Variants in NOL4 observed in about 807,000 individuals in gnomAD.
NOL4 encodes the protein cancer/testis antigen 125.
A neutral mutation model predicts 75.9 loss-of-function variants in NOL4; 17 were observed. The observed-to-expected ratio is 0.22, with a 90% CI of 0.15 to 0.34. The LOEUF (loss-of-function observed/expected upper bound fraction) is 0.34, where lower values mean the gene tolerates loss of function less well. Among genes scored for constraint, NOL4 ranks in the 10% least tolerant of loss-of-function variants. The pLI is 1.00. For missense variants in NOL4, 614 were observed against 793.5 expected (o/e 0.77, Z 2.72); for synonymous variants, 292 against 289.9 (o/e 1.01, Z -0.07).
intron 5 of NOL4, among the ~76,000 whole-genome samples, chr18:34,070,794 G>T (rs978229958): frequency 6.6e-6 from 1 of 151,748 alleles, no homozygotes. Context: ...TAAATACATA[G>T]GTATATATAA....
chr18:34,179,449 C>A (rs1260390156), intron 1 of NOL4, among the ~76,000 whole-genome samples: 1 of 150,824 alleles, frequency 6.6e-6, no homozygotes, highest in Admixed American at 6.6e-5. Context: ...ATCAGCAAAA[C>A]AGATACATCT....
intron 6 of NOL4, among the ~76,000 whole-genome samples, chr18:33,968,088 A>G (rs1717408832): frequency 6.6e-6 from 1 of 151,592 alleles, no homozygotes; most frequent in Non-Finnish European, 1.5e-5. Context: ...TCCATCTCAA[A>G]TAAATAAATA....
At chr18:33,933,337 T>C (rs565876366) in intron 9 of NOL4, among the ~76,000 whole-genome samples, 3 of 152,156 alleles carry the variant, frequency 2.0e-5, no homozygotes, top group Non-Finnish European at 4.4e-5. Flanking sequence ...TTGATGGCTG[T>C]TGAATGATTA....
At chr18:34,138,254 T>C (rs1269384930) in intron 1 of NOL4, among the ~76,000 whole-genome samples, 1 of 151,768 alleles carries the variant, frequency 6.6e-6, no homozygotes, top group Non-Finnish European at 1.5e-5. Flanking sequence ...ATAAATAAAT[T>C]GGCTGGGCAT....
At chr18:34,025,159 C>G (rs889810730) in intron 5 of NOL4, among the ~76,000 whole-genome samples, 1 of 152,096 alleles carries the variant, frequency 6.6e-6, no homozygotes, top group Non-Finnish European at 1.5e-5. Context: ...TATTCTTTCC[C>G]TTTATCAAAA....
intron 1 of NOL4, among the ~76,000 whole-genome samples, chr18:34,161,985 C>T (rs867415059): frequency 1.6e-4 from 25 of 152,186 alleles, no homozygotes; most frequent in Non-Finnish European, 3.2e-4. Flanking sequence ...ATCCTCCTAA[C>T]TTCTAAACTA....
chr18:33,975,869 T>C (rs1474859840), intron 6 of NOL4, among the ~76,000 whole-genome samples: 1 of 152,222 alleles, frequency 6.6e-6, no homozygotes, highest in Non-Finnish European at 1.5e-5. Flanking sequence ...TTAATGGTGG[T>C]CCTTTGCAGA....
At chr18:34,035,447 T>C (rs78980418) in intron 5 of NOL4, among the ~76,000 whole-genome samples, 3,503 of 152,158 alleles carry the variant, frequency 0.023, 67 homozygotes, top group Non-Finnish European at 0.038. Context: ...TCAAAACTCA[T>C]GGTACATAGC....
At chr18:33,942,579 A>C (rs765889335) in intron 9 of NOL4, among the ~76,000 whole-genome samples, 2 of 151,952 alleles carry the variant, frequency 1.3e-5, no homozygotes, top group Non-Finnish European at 2.9e-5. Flanking sequence ...AATTTTCATT[A>C]TGTATATCCT....
intron 5 of NOL4, among the ~76,000 whole-genome samples, chr18:34,076,984 C>G (rs2077773073): frequency 6.6e-6 from 1 of 152,116 alleles, no homozygotes; most frequent in Non-Finnish European, 1.5e-5. Flanking sequence ...ATGAAAATAT[C>G]TAACACCAGG....
chr18:34,020,725 A>G (rs1032738868), intron 5 of NOL4, among the ~76,000 whole-genome samples: 1 of 152,294 alleles, frequency 6.6e-6, no homozygotes, highest in Non-Finnish European at 1.5e-5. Flanking sequence ...ATCTAGCTAC[A>G]AAAGAGTGTG....
chr18:34,078,640 G>A (rs1479376265), intron 5 of NOL4, among the ~76,000 whole-genome samples: 1 of 152,118 alleles, frequency 6.6e-6, no homozygotes, highest in Non-Finnish European at 1.5e-5. Context: ...ATAATGGCAA[G>A]CCAATATGAA....
At position 33,851,296 on chromosome 18, in the gene NOL4, AG is replaced by A. The variant is rs958738076; in HGVS notation, c.*1545del. The A allele has an allele frequency of 6.6e-6, 1 of 152,046 alleles. No individual in the cohort carries two copies. Among genetic ancestry groups the A allele is most frequent in the Admixed American group, 6.6e-5 (1 of 15,204 alleles). The allele number at this position is 152,046 out of a possible 1,614,324, so 9.4% of individuals were successfully genotyped here. ...TTATATTCACCAACAGTATCACAAAAGTTTTTTTTTTGTTTTTTGTTTACAT... is the reference window on the plus strand; with the variant it reads ...TTATATTCACCAACAGTATCACAAAATTTTTTTTTTGTTTTTTGTTTACAT... On this transcript the variant is annotated 3_prime_UTR_variant, in exon 11 of 11. Coordinates refer to ENST00000261592, the MANE Select transcript of NOL4 (RefSeq NM_003787.5).
intron 1 of NOL4, among the ~76,000 whole-genome samples, chr18:34,216,163 C>T (rs1055486347): frequency 2.0e-5 from 3 of 152,134 alleles, no homozygotes; most frequent in African/African-American, 4.8e-5. Flanking sequence ...GGCACAGTTA[C>T]GCAGGACAAA....
At chr18:34,089,650 T>C (rs985918968) in intron 5 of NOL4, among the ~76,000 whole-genome samples, 2 of 152,242 alleles carry the variant, frequency 1.3e-5, no homozygotes, top group African/African-American at 4.8e-5. Flanking sequence ...AACTGGGCAC[T>C]GATTCCTAGG....
intron 9 of NOL4, among the ~76,000 whole-genome samples, chr18:33,904,753 C>T (rs2065937268): frequency 6.6e-6 from 1 of 152,090 alleles, no homozygotes; most frequent in South Asian, 2.1e-4. Flanking sequence ...CCATAGGAGT[C>T]CCAGTACAAT....
At chr18:34,214,298 G>A (rs7244603) in intron 1 of NOL4, among the ~76,000 whole-genome samples, 9,376 of 151,876 alleles carry the variant, frequency 0.062, 482 homozygotes, top group Admixed American at 0.12. Flanking sequence ...CAATATATTT[G>A]TACTTTTAAA....
At chr18:33,899,689 G>C (rs767036097) in intron 9 of NOL4, among the ~76,000 whole-genome samples, 2 of 152,258 alleles carry the variant, frequency 1.3e-5, no homozygotes, top group Admixed American at 6.6e-5. Context: ...AGTTGCTCTG[G>C]TGTTTACAGC....
intron 1 of NOL4, among the ~76,000 whole-genome samples, chr18:34,179,321 A>C (rs757005299): frequency 1.6e-4 from 24 of 151,386 alleles, no homozygotes; most frequent in Non-Finnish European, 1.0e-4. Context: ...ATCACACTAA[A>C]CTCAAGACAA....
Sources: gnomAD v4.1 joint callset for allele counts (sites outside exome capture counted in the v4.1 genomes callset) on GRCh38, gnomAD v4.1.1 for gene constraint, MANE v1.5 for transcripts, NCBI Gene and HGNC (gene_info 2026-07-23, HGNC 2026-07-21) for gene names.